Variants in ZNF276 observed in about 807,000 individuals in gnomAD.
The protein encoded by ZNF276 is centromere protein Z.
A neutral mutation model predicts 63.9 loss-of-function variants in ZNF276; 59 were observed. The ratio of observed to expected loss-of-function variants is 0.92; its 90% CI spans 0.75 to 1.15. The LOEUF (loss-of-function observed/expected upper bound fraction) is 1.15. Among genes scored for constraint, ZNF276 ranks in the 50% most tolerant of loss-of-function variants. The pLI, the probability that ZNF276 is intolerant of heterozygous loss-of-function variation, is 0.00. For synonymous variants in ZNF276, 496 were observed against 348.4 expected (o/e 1.42, Z -4.72); for missense variants, 1,084 against 843.8 (o/e 1.28, Z -3.53).
rs145570207 is a variant in ZNF276, at chr16:89,732,915, T to C, written c.1170-387T>C. On this transcript the variant is annotated intron_variant, in intron 6 of 10. Transcript: ENST00000443381. The stretch of plus-strand genomic sequence containing the variant: ...CCCTGCGCCCTCGCCCTCTGCTGTG[T>C]TCACCCCGACCCTGCTGTACCCTGC... 3.8e-4 allele frequency: 75 copies of C among 198,590 alleles called. 1 individual carries two copies. The highest frequency in any genetic ancestry group is 2.0e-3 in the African/African-American group (68 of 33,720). 12.3% of individuals were successfully genotyped at this position (198,590 alleles called of 1,614,324 possible). A position where few individuals can be genotyped will look rare whatever the true frequency, so the allele number is the denominator to read the frequency against.
At chr16:89,736,843 T>G (rs1294155272) in intron 9 of ZNF276, among the ~76,000 whole-genome samples, 3 of 145,644 alleles carry the variant, frequency 2.1e-5, no homozygotes, top group South Asian at 2.2e-4. Flanking sequence ...AGGTGGAGTT[T>G]CCAGTGAGCT....
rs369858580 is a variant in ZNF276, at chr16:89,736,143, G to A, written c.1475-1663G>A. Among the ~76,000 whole-genome samples, 98 of 152,104 alleles carry A rather than the reference G, an allele frequency of 6.4e-4. 5 individuals are homozygous for A. Among genetic ancestry groups the A allele is most frequent in the African/African-American group, 2.4e-4 (10 of 41,500 alleles). On this transcript the variant is annotated intron_variant, in intron 9 of 10. Transcript: ENST00000443381. ...CCTGACCTTGTGATCCACCTGCCTC[G>A]GCCTCCCGAAGTGCTGGGATTATAA...
Position 89,738,764 on chromosome 16 carries a change from G to GTC in ZNF276, c.*518_*519insTC. On this transcript the variant is annotated 3_prime_UTR_variant, in exon 11 of 11. Transcript: ENST00000443381. Reference sequence around the variant, plus strand: ...GCCGCCCACTAGGCCTCAGACCACAGGGGAGGGGCTCTGGCAGAAATAGTC... The same window carrying GTC: ...GCCGCCCACTAGGCCTCAGACCACAGTCGGGAGGGGCTCTGGCAGAAATAGTC... 1 of 1,612,578 alleles carries GTC rather than the reference G, an allele frequency of 6.2e-7. No homozygotes were observed. Among genetic ancestry groups the GTC allele is most frequent in the Non-Finnish European group, 8.5e-7 (1 of 1,179,400 alleles).
intron 4 of ZNF276, among the ~76,000 whole-genome samples, chr16:89,725,524 G>A (rs2061442244): frequency 6.8e-6 from 1 of 146,318 alleles, no homozygotes; most frequent in South Asian, 2.2e-4. Flanking sequence ...AAGTGCAGTG[G>A]TTCACGCCTG....
At chr16:89,720,485 C>A (rs973015357), upstream of ZNF276, 5 of 1,114,866 alleles carry the variant, frequency 4.5e-6, no homozygotes, top group South Asian at 8.8e-5. Flanking sequence ...GGCGGACCCT[C>A]CTGCTACATC....
At chr16:89,724,842 C>G (rs981387360) in intron 4 of ZNF276, among the ~76,000 whole-genome samples, 1 of 152,140 alleles carries the variant, frequency 6.6e-6, no homozygotes. Context: ...ACCTATCTAT[C>G]TTCCTACTTC....
intron 6 of ZNF276, among the ~76,000 whole-genome samples, chr16:89,730,271 C>A (rs35178175): frequency 6.6e-6 from 1 of 152,160 alleles, no homozygotes; most frequent in African/African-American, 2.4e-5. Flanking sequence ...GTCCCTACCC[C>A]CAGGCTTGTT....
chr16:89,735,599 C>T (rs955602342), intron 9 of ZNF276, among the ~76,000 whole-genome samples: 1 of 152,138 alleles, frequency 6.6e-6, no homozygotes, highest in Non-Finnish European at 1.5e-5. Flanking sequence ...GGGCCGGGTG[C>T]AGTGGCTCAT....
intron 9 of ZNF276, among the ~76,000 whole-genome samples, chr16:89,735,363 C>T (rs111718397): frequency 6.6e-6 from 1 of 152,066 alleles, no homozygotes; most frequent in Non-Finnish European, 1.5e-5. Flanking sequence ...TGGTTTTGAA[C>T]TTATTACAGA....
Position 89,739,104 on chromosome 16 carries a change from C to A in ZNF276, c.*858C>A, listed in dbSNP as rs545928949. The A allele has an allele frequency of 5.2e-5, 84 of 1,613,980 alleles. 1 individual carries two copies. In the South Asian group the frequency reaches 8.6e-4, roughly 16 times the overall value. Reference sequence around the variant, plus strand: ...GAGCCTCCGGCTGGGGGGAGCTCCCCTGGAGGTGGGACTGGCCCTTGCACC... The same window carrying A: ...GAGCCTCCGGCTGGGGGGAGCTCCCATGGAGGTGGGACTGGCCCTTGCACC... On this transcript the variant is annotated 3_prime_UTR_variant, in exon 11 of 11. Coordinates refer to ENST00000443381, the MANE Select transcript of ZNF276 (RefSeq NM_001113525.2).
rs764710767 is a variant in ZNF276 at position 89,739,369 on chromosome 16, G to A, written c.*1123G>A. The A allele has an allele frequency of 2.5e-6, 4 of 1,594,100 alleles. No individual in the cohort carries two copies. The highest frequency in any genetic ancestry group is 3.4e-6 in the Non-Finnish European group (4 of 1,166,376). ...TGATGCCAAGGGATACTGCTCATCT[G>A]TGGAGCAGAGGCACAGACAACCCTT... On this transcript the variant is annotated 3_prime_UTR_variant, in exon 11 of 11. Transcript: ENST00000443381.
chr16:89,721,419 G>T, upstream of ZNF276: 1 of 418,348 alleles, frequency 2.4e-6, no homozygotes, highest in South Asian at 5.3e-5. Context: ...GCCCGAGAGG[G>T]GAGCGGTACG....
intron 9 of ZNF276, 111 bp from the exon 10 acceptor site, chr16:89,737,695 A>T (rs1242887366): frequency 7.6e-5 from 120 of 1,570,856 alleles, no homozygotes; most frequent in Non-Finnish European, 9.4e-5. Context: ...CTGCATGGTG[A>T]ACCATGTGCA....
intron 5 of ZNF276, 62 bp from the exon 6 acceptor site, chr16:89,729,173 C>T (rs1275374260): frequency 1.9e-5 from 26 of 1,369,414 alleles, no homozygotes; most frequent in Middle Eastern, 1.8e-4. Context: ...GGCAGGAGGT[C>T]GTGTTGGGTC....
At chr16:89,720,787 C>G (rs1355506317), upstream of ZNF276, 6 of 1,459,466 alleles carry the variant, frequency 4.1e-6, no homozygotes, top group East Asian at 1.9e-4. Flanking sequence ...CGGTGTCCAG[C>G]TCGATGGCCC....
At chr16:89,720,449 G>A (rs1438338190), upstream of ZNF276, 21 of 1,066,906 alleles carry the variant, frequency 2.0e-5, no homozygotes, top group Non-Finnish European at 2.4e-5. Flanking sequence ...GGACCTGCCC[G>A]TCACTCGGAT....
At position 89,738,363 on chromosome 16, in the gene ZNF276, T is replaced by G; in HGVS notation, c.*117T>G. ...GGAGGGTGCTGCCCGCCCTTGGTGCTGGAGGCGGGCTTGGTGTCCGGCTCA... is the reference window on the plus strand; with the variant it reads ...GGAGGGTGCTGCCCGCCCTTGGTGCGGGAGGCGGGCTTGGTGTCCGGCTCA... On this transcript the variant is annotated 3_prime_UTR_variant, in exon 11 of 11. Coordinates refer to ENST00000443381, the MANE Select transcript of ZNF276 (RefSeq NM_001113525.2). 1 of 1,457,140 alleles carries G rather than the reference T, an allele frequency of 6.9e-7. No individual in the cohort carries two copies. Among genetic ancestry groups the G allele is most frequent in the South Asian group, 1.3e-5 (1 of 74,634 alleles). 90.3% of individuals were successfully genotyped at this position (1,457,140 alleles called of 1,614,324 possible).
At chr16:89,736,335 T>A (rs929756194) in intron 9 of ZNF276, among the ~76,000 whole-genome samples, 1 of 149,314 alleles carries the variant, frequency 6.7e-6, no homozygotes, top group Non-Finnish European at 1.5e-5. Context: ...CCCCCAATTT[T>A]TTTTTTTTTT....
In ZNF276 at chr16:89,738,996, TCA is replaced by T. The variant is rs2062047861; in HGVS notation, c.*753_*754del. On this transcript the variant is annotated 3_prime_UTR_variant, in exon 11 of 11. Coordinates refer to ENST00000443381, the MANE Select transcript of ZNF276 (RefSeq NM_001113525.2). Reference sequence around the variant, plus strand: ...TGCCCTAGAGAGAAAACAGGCAAACTCACAGGTTAGAAGACATACAGAAACAG... The same window carrying T: ...TGCCCTAGAGAGAAAACAGGCAAACTCAGGTTAGAAGACATACAGAAACAG... 2 of 1,614,168 alleles carry T rather than the reference TCA, an allele frequency of 1.2e-6. No individual in the cohort carries two copies. The highest frequency in any genetic ancestry group is 1.7e-6 in the Non-Finnish European group (2 of 1,180,034).
Sources: allele counts gnomAD v4.1 joint callset (sites outside exome capture counted in the v4.1 genomes callset), GRCh38; gene constraint gnomAD v4.1.1; transcripts MANE v1.5; gene names NCBI Gene and HGNC (gene_info 2026-07-23, HGNC 2026-07-21).